The following SLC4A7 variants were observed in gnomAD, a reference collection of about 807,000 sequenced individuals.
SLC4A7 encodes the protein solute carrier family 4 member 7, also known as sodium bicarbonate cotransporter 3.
In SLC4A7, 51 loss-of-function variants were observed where a neutral mutation model predicts 137.6. The ratio of observed to expected loss-of-function variants is 0.37; its 90% CI spans 0.30 to 0.47. The LOEUF (loss-of-function observed/expected upper bound fraction) is 0.47. SLC4A7 is among the 20% of genes least tolerant of loss of function. SLC4A7 has a pLI of 1.00. For synonymous variants in SLC4A7, 542 were observed against 518.6 expected, an observed-to-expected ratio of 1.05 and a Z score of -0.61; for missense variants, 1,247 against 1,525.4, an observed-to-expected ratio of 0.82 and a Z score of 3.04.
intron 1 of SLC4A7, among the ~76,000 whole-genome samples, chr3:27,477,880 G>T (rs1389665688): frequency 6.6e-6 from 1 of 152,148 alleles, no homozygotes; most frequent in East Asian, 1.9e-4. Context: ...CTCCCAAATT[G>T]CTGGGATTAC....
chr3:27,429,209 T>C (rs1164192468), intron 7 of SLC4A7, among the ~76,000 whole-genome samples: 1 of 149,588 alleles, frequency 6.7e-6, no homozygotes, highest in Non-Finnish European at 1.5e-5. Context: ...GAGGTTGCAG[T>C]AAGCCGAGAT....
Position 27,418,481 on chromosome 3 carries a change from C to T in SLC4A7, c.1659+5G>A. 6.2e-7 allele frequency: 1 copy of T among 1,602,994 alleles called. No individual in the cohort carries two copies. Among genetic ancestry groups the T allele is most frequent in the African/African-American group, 1.3e-5 (1 of 74,484 alleles). On this transcript the variant is annotated splice_donor_5th_base_variant and intron_variant, in intron 11 of 25. Transcript: ENST00000454389. ...AGTCACAGAAGAATAGCTCTGGATT[C>T]TTACCTGAGAAGGGACACTTTTTGG...
rs2052001349 is a variant in SLC4A7 at position 27,395,115 on chromosome 3, G to A, written c.2704C>T (p.Pro902Ser). 4 of 1,565,896 alleles carry A rather than the reference G, an allele frequency of 2.6e-6. No homozygotes were observed. The highest frequency in any genetic ancestry group is 3.4e-6 in the Non-Finnish European group (4 of 1,164,338). Residue 902 changes from proline to serine, a missense_variant and splice_region_variant, in exon 19 of 26, where the codon CCT becomes TCT. Coordinates refer to ENST00000454389, the MANE Select transcript of SLC4A7 (RefSeq NM_001321103.2). The stretch of plus-strand genomic sequence containing the variant: ...ATCCACCCTCTCTCTGGATGAGTAG[G>A]CTGTTAAAAAATTAAATATAATTTT... The part of the protein sequence containing the change: ...PKLHVPEKFE[P>S]THPERGWIIS...
At chr3:27,434,735 T>C (rs2150392911) in intron 5 of SLC4A7, among the ~76,000 whole-genome samples, 1 of 152,208 alleles carries the variant, frequency 6.6e-6, no homozygotes, top group South Asian at 2.1e-4. Context: ...ACTGAGGTGA[T>C]TAAACTTTTT....
chr3:27,412,544 G>C (rs1255271445), intron 11 of SLC4A7, among the ~76,000 whole-genome samples: 1 of 152,046 alleles, frequency 6.6e-6, no homozygotes, highest in African/African-American at 2.4e-5. Context: ...AGAGTAGCAA[G>C]GCTCATCTAC....
chr3:27,440,977 A>C (rs1009926689), intron 3 of SLC4A7, among the ~76,000 whole-genome samples: 1 of 152,122 alleles, frequency 6.6e-6, no homozygotes, highest in Non-Finnish European at 1.5e-5. Flanking sequence ...CCCAGGACGC[A>C]GAGGTTGCAG....
intron 10 of SLC4A7, among the ~76,000 whole-genome samples, chr3:27,419,242 G>A (rs972443088): frequency 1.3e-5 from 2 of 151,894 alleles, no homozygotes; most frequent in Non-Finnish European, 2.9e-5. Flanking sequence ...GAAACTGATG[G>A]GAAAGAACAA....
At chr3:27,484,017 G>GC in intron 1 of SLC4A7, 50 bp downstream of exon 1, 4 of 1,317,610 alleles carry the variant, frequency 3.0e-6, no homozygotes, top group Non-Finnish European at 3.9e-6. Context: ...TGTCTGCCTC[G>GC]CCCCGCGCCC....
chr3:27,464,692 CA>C (rs572691095), intron 1 of SLC4A7, among the ~76,000 whole-genome samples: 47 of 146,002 alleles, frequency 3.2e-4, no homozygotes, highest in African/African-American at 8.3e-4. Flanking sequence ...GACTCCGTCT[CA>C]AAAAAAAAAG....
intron 17 of SLC4A7, 83 bp downstream of exon 17, chr3:27,398,109 A>T: frequency 1.0e-6 from 1 of 998,754 alleles, no homozygotes; most frequent in Non-Finnish European, 1.5e-6. Flanking sequence ...CTCAAAAAAT[A>T]TATTACTGTT....
At chr3:27,469,073 C>T (rs1287396906) in intron 1 of SLC4A7, among the ~76,000 whole-genome samples, 1 of 151,974 alleles carries the variant, frequency 6.6e-6, no homozygotes, top group Non-Finnish European at 1.5e-5. Flanking sequence ...CACCACTACA[C>T]TCCAGCCTGG....
chr3:27,430,952 T>C (rs2056211540), intron 7 of SLC4A7, among the ~76,000 whole-genome samples: 1 of 152,244 alleles, frequency 6.6e-6, no homozygotes, highest in Non-Finnish European at 1.5e-5. Context: ...AGTGAAACTT[T>C]TTAAAAGGGC....
At position 27,386,001 on chromosome 3, in the gene SLC4A7, C is replaced by T. The variant is rs750147099; in HGVS notation, c.3383G>A (p.Arg1128His). The T allele has an allele frequency of 1.9e-6, 3 of 1,605,478 alleles. No individual in the cohort carries two copies. Among genetic ancestry groups the T allele is most frequent in the Non-Finnish European group, 1.7e-6 (2 of 1,176,476 alleles). The change falls in exon 23 of 26, where the codon CGC (arginine) becomes CAC (histidine). Residue 1128 changes from arginine (R) to histidine (H), a missense_variant. Arg to His is a conservative substitution (Grantham distance 29). Transcript: ENST00000454389. ...PMMVLALVFV[R>H]KLMDLCFTKR... ...CGTGAAACACAGGTCCATGAGTTTG[C>T]GCACAAACACTAATGCAAGAACCTT...
chr3:27,452,413 T>G lies in SLC4A7; in HGVS notation c.142+4A>C. On this transcript the variant is annotated splice_donor_region_variant and intron_variant, in intron 2 of 25. Transcript: ENST00000454389. ...GCGAAGTAAGTTATTTTAAACCAAC[T>G]TACTTTCTAGTTCTTCTTTTTCAAA... 1.3e-6 allele frequency: 2 copies of G among 1,589,418 alleles called. No homozygotes were observed. The highest frequency in any genetic ancestry group is 1.7e-6 in the Non-Finnish European group (2 of 1,167,404).
intron 23 of SLC4A7, among the ~76,000 whole-genome samples, chr3:27,383,541 G>T (rs566770822): frequency 5.9e-5 from 9 of 152,256 alleles, no homozygotes; most frequent in African/African-American, 1.9e-4. Context: ...CAATTATTAT[G>T]TAGGTTTATA....
At chr3:27,481,403 C>T (rs531279182) in intron 1 of SLC4A7, among the ~76,000 whole-genome samples, 16 of 151,900 alleles carry the variant, frequency 1.1e-4, no homozygotes, top group African/African-American at 3.4e-4. Flanking sequence ...ATCTATTCAA[C>T]ATTTTTTTGC....
At chr3:27,483,865 C>T (rs1434839404) in intron 1 of SLC4A7, among the ~76,000 whole-genome samples, 2 of 150,922 alleles carry the variant, frequency 1.3e-5, no homozygotes, top group Non-Finnish European at 3.0e-5. Flanking sequence ...GCCTCCCGAG[C>T]GCAGCCGCTG....
chr3:27,374,011 T>C lies in SLC4A7; in HGVS notation c.*2753A>G, dbSNP rs528177774. 1 of 152,630 alleles carries C rather than the reference T, an allele frequency of 6.6e-6. No homozygotes were observed. The highest frequency in any genetic ancestry group is 2.4e-5 in the African/African-American group (1 of 41,574). 9.5% of individuals were successfully genotyped at this position (152,630 alleles called of 1,614,324 possible). ...AGACTGTGTGCTTGGCTTCGGCATA[T>C]TTAATATCATTAAAGAATATATAGA... On this transcript the variant is annotated 3_prime_UTR_variant, in exon 26 of 26. Coordinates refer to ENST00000454389, the MANE Select transcript of SLC4A7 (RefSeq NM_001321103.2).
At chr3:27,446,006 T>C (rs1183829195) in intron 3 of SLC4A7, among the ~76,000 whole-genome samples, 1 of 131,714 alleles carries the variant, frequency 7.6e-6, no homozygotes, top group African/African-American at 2.9e-5. Flanking sequence ...CCCTTGAAAT[T>C]TGCTAAGAGA....
Sources: gnomAD v4.1 joint callset for allele counts (sites outside exome capture counted in the v4.1 genomes callset) on GRCh38, gnomAD v4.1.1 for gene constraint, MANE v1.5 for transcripts, NCBI Gene and HGNC (gene_info 2026-07-23, HGNC 2026-07-21) for gene names.